The following SERBP1 variants were observed in gnomAD, a reference collection of about 807,000 sequenced individuals.
SERBP1 encodes SERPINE1 mRNA-binding protein 1.
A neutral mutation model predicts 50.2 loss-of-function variants in SERBP1; 6 were observed. The ratio of observed to expected loss-of-function variants is 0.12; its 90% CI spans 0.07 to 0.24. SERBP1 has a LOEUF of 0.24. Among genes scored for constraint, SERBP1 ranks in the 10% least tolerant of loss-of-function variants. The pLI, the probability that SERBP1 is intolerant of heterozygous loss-of-function variation, is 1.00. For synonymous variants in SERBP1, 168 were observed against 182.8 expected (o/e 0.92, Z 0.65); for missense variants, 346 against 524.9 (o/e 0.66, Z 3.33).
Position 67,426,243 on chromosome 1 carries a change from C to T in SERBP1, c.356G>A (p.Gly119Asp), listed in dbSNP as rs1399595086. Residue 119 changes from glycine to aspartate, a missense_variant, in exon 2 of 8, where the codon GGT (glycine) becomes GAT (aspartate). This residue lies in a region of SERBP1 where 257 missense variants were observed against 331.2 expected (regional missense o/e 0.78). Transcript: ENST00000361219. ...VGRRPDQQLQ[G>D]EGKIIDRRPE... ...TCTTCTATCAATTATTTTCCCTTCACCCTGAAGTTGTTGATCAGGTCTTCT... is the reference window on the plus strand; with the variant it reads ...TCTTCTATCAATTATTTTCCCTTCATCCTGAAGTTGTTGATCAGGTCTTCT... 3 of 1,605,522 alleles carry T rather than the reference C, an allele frequency of 1.9e-6. No individual in the cohort carries two copies. Among genetic ancestry groups the T allele is most frequent in the Non-Finnish European group, 2.6e-6 (3 of 1,176,140 alleles).
At position 67,411,731 on chromosome 1, in the gene SERBP1, T is replaced by G. The variant is rs1434652863; in HGVS notation, c.*1476A>C. On this transcript the variant is annotated 3_prime_UTR_variant, in exon 8 of 8. Transcript: ENST00000361219. ...TTTAAGATTGAAGATGTCCAATATT[T>G]TTAAAACTGGACATTACCATATACA... is the stretch of plus-strand genomic sequence containing the variant. 1 of 152,212 alleles carries G rather than the reference T, an allele frequency of 6.6e-6. No individual in the cohort carries two copies. The highest frequency in any genetic ancestry group is 2.1e-4 in the South Asian group (1 of 4,834). The allele number at this position is 152,212 out of a possible 1,614,324, so 9.4% of individuals were successfully genotyped here. A position where few individuals can be genotyped will look rare whatever the true frequency, so the allele number is the denominator to read the frequency against.
At chr1:67,417,885 G>A (rs1667068319) in intron 6 of SERBP1, among the ~76,000 whole-genome samples, 1 of 150,188 alleles carries the variant, frequency 6.7e-6, no homozygotes, top group Non-Finnish European at 1.5e-5. Context: ...CGGTAACACA[G>A]TTCTCCATTT....
intron 6 of SERBP1, among the ~76,000 whole-genome samples, chr1:67,419,389 G>A (rs1468823184): frequency 1.3e-5 from 2 of 152,116 alleles, no homozygotes; most frequent in Non-Finnish European, 2.9e-5. Flanking sequence ...ATTGATCTGC[G>A]GGGTCAGTGC....
At chr1:67,421,904 A>C (rs879504926) in intron 5 of SERBP1, among the ~76,000 whole-genome samples, 14 of 152,084 alleles carry the variant, frequency 9.2e-5, no homozygotes, top group Non-Finnish European at 1.8e-4. Flanking sequence ...GCGCCACTGC[A>C]CTCTAGCATG....
At chr1:67,426,110 G>C in intron 2 of SERBP1, 25 bp downstream of exon 2, 1 of 1,592,454 alleles carries the variant, frequency 6.3e-7, no homozygotes, top group Non-Finnish European at 8.5e-7. Context: ...CCAAGACCCT[G>C]GCTCAAAAAC....
intron 6 of SERBP1, among the ~76,000 whole-genome samples, chr1:67,416,451 T>G (rs1667014901): frequency 6.6e-6 from 1 of 152,240 alleles, no homozygotes; most frequent in African/African-American, 2.4e-5. Context: ...GATGTCTTCT[T>G]GTACGCTTGG....
At chr1:67,427,125 ATCTT>A (rs139955079) in intron 1 of SERBP1, among the ~76,000 whole-genome samples, 6,022 of 152,310 alleles carry the variant, frequency 0.04, 425 homozygotes, top group African/African-American at 0.14. Context: ...CCTAACAACT[ATCTT>A]TATTTTCAAA....
chr1:67,426,919 T>C (rs1245226803), intron 1 of SERBP1, among the ~76,000 whole-genome samples: 2 of 152,198 alleles, frequency 1.3e-5, no homozygotes, highest in Non-Finnish European at 2.9e-5. Context: ...AAAACAGCCA[T>C]TTAACCAGAA....
intron 1 of SERBP1, chr1:67,429,759 A>C (rs1667508098): frequency 4.0e-6 from 2 of 502,730 alleles, no homozygotes; most frequent in African/African-American, 4.0e-5. Flanking sequence ...TCACAACCTG[A>C]GGCGGGAAGG....
intron 6 of SERBP1, among the ~76,000 whole-genome samples, chr1:67,416,011 C>CTTT (rs376512995): frequency 5.0e-4 from 63 of 125,286 alleles, no homozygotes; most frequent in Non-Finnish European, 7.4e-4. Flanking sequence ...TCACAGGAAC[C>CTTT]TTTTTTTTTT....
intron 6 of SERBP1, 80 bp downstream of exon 6, chr1:67,419,929 G>A (rs1667150407): frequency 7.8e-7 from 1 of 1,282,526 alleles, no homozygotes; most frequent in Admixed American, 1.9e-5. Flanking sequence ...AATAACCCAT[G>A]TGAAATTTTA....
rs1316791166 is a variant in SERBP1, at chr1:67,410,848, A to C, written c.*2359T>G. On this transcript the variant is annotated 3_prime_UTR_variant, in exon 8 of 8. Coordinates refer to ENST00000361219, the MANE Select transcript of SERBP1 (RefSeq NM_001018069.2). ...TGGATTTTGTATTTTACAAGAATTC[A>C]ACTTTCCCAATTAAGTCATTAGTCA... 1 of 152,166 alleles carries C rather than the reference A, an allele frequency of 6.6e-6. No individual in the cohort carries two copies. The highest frequency in any genetic ancestry group is 2.4e-5 in the African/African-American group (1 of 41,448). The allele number at this position is 152,166 out of a possible 1,614,324, so 9.4% of individuals were successfully genotyped here.
chr1:67,410,978 C>G lies in SERBP1; in HGVS notation c.*2229G>C, dbSNP rs1666818147. 6.6e-6 allele frequency: 1 copy of G among 152,116 alleles called. No individual in the cohort carries two copies. The highest frequency in any genetic ancestry group is 1.5e-5 in the Non-Finnish European group (1 of 67,996). 9.4% of individuals were successfully genotyped at this position (152,116 alleles called of 1,614,324 possible). On this transcript the variant is annotated 3_prime_UTR_variant, in exon 8 of 8. Transcript: ENST00000361219. ...AAAATTATAAACACACAGGGGTGTG[C>G]ACACAGGTCAGAAACCAGGAAACAC...
At position 67,408,095 on chromosome 1, in the gene SERBP1, AC is replaced by A. The variant is rs1314820475; in HGVS notation, c.*5111del. The A allele has an allele frequency of 2.0e-5, 3 of 152,256 alleles. No individual in the cohort carries two copies. The East Asian group carries it at 5.8e-4, about 29-fold the overall frequency. The allele number at this position is 152,256 out of a possible 1,614,324, so 9.4% of individuals were successfully genotyped here. A position where few individuals can be genotyped will look rare whatever the true frequency, so the allele number is the denominator to read the frequency against. On this transcript the variant is annotated 3_prime_UTR_variant, in exon 8 of 8. Transcript: ENST00000361219. ...CTTCCCACTTTCCCTACTCAGTAAT[AC>A]ATAAAAATCCTTAATATTAGCCCTT... is the stretch of plus-strand genomic sequence containing the variant.
At chr1:67,422,869 G>C (rs1667244727) in intron 5 of SERBP1, among the ~76,000 whole-genome samples, 1 of 152,280 alleles carries the variant, frequency 6.6e-6, no homozygotes, top group East Asian at 1.9e-4. Flanking sequence ...GGTGAGGCAG[G>C]AGAATCGTTT....
chr1:67,428,352 T>C (rs938400428), intron 1 of SERBP1, among the ~76,000 whole-genome samples: 5 of 152,368 alleles, frequency 3.3e-5, no homozygotes, highest in African/African-American at 7.2e-5. Flanking sequence ...GCTTATTTCA[T>C]AGATGGGCTT....
In SERBP1 at chr1:67,425,204, T is replaced by A; in HGVS notation, c.484A>T (p.Ile162Phe). Reference protein sequence around the residue: ...SVDRPIIDRPIRGRGGLGRGR... With the variant: ...SVDRPIIDRPFRGRGGLGRGR... ...CTTCCAAGACCACCACGACCTCGAATAGGTCGGTCAATAATCGGTCTATAA... is the reference window on the plus strand; with the variant it reads ...CTTCCAAGACCACCACGACCTCGAAAAGGTCGGTCAATAATCGGTCTATAA... Residue 162 changes from isoleucine to phenylalanine, a missense_variant, in exon 3 of 8, where the codon ATT becomes TTT. Ile to Phe is a conservative substitution (Grantham distance 21). This residue lies in a region of SERBP1 where 257 missense variants were observed against 331.2 expected (regional missense o/e 0.78). Transcript: ENST00000361219. 6.2e-7 allele frequency: 1 copy of A among 1,608,406 alleles called. No individual in the cohort carries two copies. Among genetic ancestry groups the A allele is most frequent in the Non-Finnish European group, 8.5e-7 (1 of 1,178,738 alleles).
At position 67,430,358 on chromosome 1, in the gene SERBP1, AGCGCCT is replaced by A; in HGVS notation, c.-64_-59del. On this transcript the variant is annotated 5_prime_UTR_variant, in exon 1 of 8. Transcript: ENST00000361219. ...TTGCAGCGGGCCGCGCCGAGCCAAG[AGCGCCT>A]GCTTCAGCTCTTCCCACAAGATGGC... 1 of 1,477,798 alleles carries A rather than the reference AGCGCCT, an allele frequency of 6.8e-7. No homozygotes were observed. Among genetic ancestry groups the A allele is most frequent in the Middle Eastern group, 2.5e-4 (1 of 4,010 alleles). The allele number at this position is 1,477,798 out of a possible 1,614,324, so 91.5% of individuals were successfully genotyped here.
chr1:67,415,938 C>T (rs1666990257), intron 6 of SERBP1, among the ~76,000 whole-genome samples: 1 of 151,912 alleles, frequency 6.6e-6, no homozygotes, highest in East Asian at 1.9e-4. Flanking sequence ...AAACACTACA[C>T]ACTTTACATA....
Sources: gnomAD v4.1 joint callset for allele counts (sites outside exome capture counted in the v4.1 genomes callset) on GRCh38, gnomAD v4.1.1 for gene constraint, gnomAD v4.1.1 regional missense constraint, MANE v1.5 for transcripts, NCBI Gene and HGNC (gene_info 2026-07-23, HGNC 2026-07-21) for gene names.